Variants in RAB3GAP2 observed in about 807,000 individuals in gnomAD.
The protein encoded by RAB3GAP2 is RAB3 GTPase activating non-catalytic protein subunit 2, also known as rab3 GTPase-activating protein non-catalytic subunit.
In RAB3GAP2, 87 loss-of-function variants were observed where a neutral mutation model predicts 185.3. That is an observed-to-expected ratio of 0.47 (90% CI 0.39 to 0.56). The LOEUF is 0.56. RAB3GAP2 is among the 20% of genes least tolerant of loss of function. The pLI, the probability that RAB3GAP2 is intolerant of heterozygous loss-of-function variation, is 0.00. For missense variants in RAB3GAP2, 1,492 were observed against 1,638.2 expected (o/e 0.91, Z 1.54); for synonymous variants, 554 against 576.1 (o/e 0.96, Z 0.55).
At chr1:220,164,006 T>C (rs1399874916) in intron 27 of RAB3GAP2, among the ~76,000 whole-genome samples, 2 of 152,080 alleles carry the variant, frequency 1.3e-5, no homozygotes, top group Non-Finnish European at 2.9e-5. Context: ...AGCTTAGTGC[T>C]GATATCCTCA....
chr1:220,193,475 GT>G, intron 12 of RAB3GAP2, 96 bp from the exon 13 acceptor site: 2 of 1,189,420 alleles, frequency 1.7e-6, no homozygotes, highest in Non-Finnish European at 2.4e-6. Context: ...GGCTGAATCT[GT>G]TTTTATATAA....
At chr1:220,193,666 G>A (rs554840758) in intron 12 of RAB3GAP2, among the ~76,000 whole-genome samples, 1 of 152,266 alleles carries the variant, frequency 6.6e-6, no homozygotes, top group Non-Finnish European at 1.5e-5. Context: ...GCATGTCACA[G>A]AAAACAATGT....
chr1:220,164,075 T>C (rs895022045), intron 27 of RAB3GAP2, among the ~76,000 whole-genome samples: 3 of 152,160 alleles, frequency 2.0e-5, no homozygotes, highest in African/African-American at 7.2e-5. Flanking sequence ...GTTCAATATT[T>C]TTTCAAGGAG....
intron 7 of RAB3GAP2, 64 bp from the exon 8 acceptor site, chr1:220,206,070 T>C (rs1239333397): frequency 2.8e-6 from 3 of 1,058,656 alleles, no homozygotes; most frequent in African/African-American, 3.2e-5. Context: ...CTTTTTATTA[T>C]ACTGAATTTC....
intron 1 of RAB3GAP2, among the ~76,000 whole-genome samples, chr1:220,262,133 CAAAAAAA>C (rs554304525): frequency 8.9e-6 from 1 of 112,336 alleles, no homozygotes; most frequent in African/African-American, 2.9e-5. Flanking sequence ...ACTAAAAATA[CAAAAAAA>C]AAAAAAAAAA....
chr1:220,212,740 G>A (rs1659107069), intron 4 of RAB3GAP2, 147 bp downstream of exon 4: 1 of 704,050 alleles, frequency 1.4e-6, no homozygotes, highest in Non-Finnish European at 2.5e-6. Flanking sequence ...TGATCTTCCT[G>A]CCTTGGCTTC....
intron 1 of RAB3GAP2, among the ~76,000 whole-genome samples, chr1:220,269,822 T>C (rs78878610): frequency 0.069 from 10,486 of 152,168 alleles, 481 homozygotes; most frequent in South Asian, 0.12. Context: ...GCAGGAAGAA[T>C]TGCTAGAAGA....
chr1:220,245,568 C>A (rs1044639454), intron 1 of RAB3GAP2, among the ~76,000 whole-genome samples: 1 of 152,140 alleles, frequency 6.6e-6, no homozygotes, highest in African/African-American at 2.4e-5. Flanking sequence ...GATCAAACTG[C>A]AAGGAGGCAG....
At chr1:220,187,141 T>A (rs1658521268) in intron 17 of RAB3GAP2, among the ~76,000 whole-genome samples, 1 of 152,220 alleles carries the variant, frequency 6.6e-6, no homozygotes, top group South Asian at 2.1e-4. Context: ...AATTCTCCCA[T>A]GTATGTAGCT....
At position 220,195,392 on chromosome 1, in the gene RAB3GAP2, A is replaced by G; in HGVS notation, c.961-15T>C. ...TGTGTGCTTCCCTGAAAAACAGAAC[A>G]TTTGAAAGAGAAAACTTAGTAGCTT... On this transcript the variant is annotated splice_polypyrimidine_tract_variant and intron_variant, in intron 10 of 34. Transcript: ENST00000358951. The G allele has an allele frequency of 3.8e-6, 6 of 1,596,562 alleles. No individual in the cohort carries two copies. Among genetic ancestry groups the G allele is most frequent in the African/African-American group, 1.3e-5 (1 of 74,602 alleles).
intron 2 of RAB3GAP2, among the ~76,000 whole-genome samples, chr1:220,219,176 G>C (rs563120930): frequency 1.6e-4 from 25 of 152,232 alleles, no homozygotes; most frequent in African/African-American, 5.3e-4. Context: ...AGAAACTGTA[G>C]TACTAAGTGC....
chr1:220,174,637 C>T (rs1350542794), intron 21 of RAB3GAP2, among the ~76,000 whole-genome samples: 1 of 151,556 alleles, frequency 6.6e-6, no homozygotes, highest in African/African-American at 2.4e-5. Flanking sequence ...ATTTTTTGTA[C>T]CCATTAGAAA....
chr1:220,211,076 T>C (rs1571902988), intron 4 of RAB3GAP2, 74 bp from the exon 5 acceptor site: 2 of 1,403,628 alleles, frequency 1.4e-6, no homozygotes, highest in East Asian at 4.7e-5. Flanking sequence ...TAATTGGATG[T>C]TAAAGGATAA....
chr1:220,187,204 G>T (rs1272643944), intron 17 of RAB3GAP2, among the ~76,000 whole-genome samples: 2 of 152,194 alleles, frequency 1.3e-5, no homozygotes, highest in Non-Finnish European at 2.9e-5. Flanking sequence ...ACCTGACACA[G>T]AGTTCCTATA....
chr1:220,194,645 G>A (rs1181346806), intron 12 of RAB3GAP2, among the ~76,000 whole-genome samples: 1 of 152,130 alleles, frequency 6.6e-6, no homozygotes, highest in Non-Finnish European at 1.5e-5. Context: ...CGCCTACCTA[G>A]GCCTCCCAAA....
chr1:220,190,607 C>T, intron 14 of RAB3GAP2, 87 bp from the exon 15 acceptor site: 1 of 1,357,464 alleles, frequency 7.4e-7, no homozygotes, highest in Admixed American at 1.7e-5. Flanking sequence ...GGAAACCCAA[C>T]ATTATTATCA....
chr1:220,157,463 TG>T lies in RAB3GAP2; in HGVS notation c.3361del (p.Gln1121ArgfsTer20). On this transcript the variant is annotated frameshift_variant, in exon 31 of 35. Coordinates refer to ENST00000358951, the MANE Select transcript of RAB3GAP2 (RefSeq NM_012414.4). LOFTEE classifies it high-confidence loss of function. ...ATCCTCAGTATCCAGCACAGGCACC[TG>T]TATTTCATCCCTGCTAACATCTGCC... is the stretch of plus-strand genomic sequence containing the variant. The part of the protein sequence containing the change: ...MEADVSRDEI[Q>X]VPVLDTEDAW... The T allele has an allele frequency of 6.2e-7, 1 of 1,613,660 alleles. No homozygotes were observed. Among genetic ancestry groups the T allele is most frequent in the Non-Finnish European group, 8.5e-7 (1 of 1,180,008 alleles).
At position 220,213,727 on chromosome 1, in the gene RAB3GAP2, G is replaced by A. The variant is rs1326513736; in HGVS notation, c.304+129C>T. On this transcript the variant is annotated intron_variant, in intron 3 of 34. Coordinates refer to ENST00000358951, the MANE Select transcript of RAB3GAP2 (RefSeq NM_012414.4). ...AGGGAGGGAGGGAGGGGGCGGAGGA[G>A]GAGTTGGGGGGGGGGGGAGAGAGAG... 7 of 824,222 alleles carry A rather than the reference G, an allele frequency of 8.5e-6. No homozygotes were observed. In the South Asian group the frequency reaches 1.2e-4, roughly 14 times the overall value. 51.1% of individuals were successfully genotyped at this position (824,222 alleles called of 1,614,324 possible). A position where few individuals can be genotyped will look rare whatever the true frequency, so the allele number is the denominator to read the frequency against.
At chr1:220,252,257 A>G (rs995286372) in intron 1 of RAB3GAP2, among the ~76,000 whole-genome samples, 6 of 151,786 alleles carry the variant, frequency 4.0e-5, no homozygotes, top group African/African-American at 1.4e-4. Flanking sequence ...TATATAATAT[A>G]TAATTAAACT....
Sources: allele counts gnomAD v4.1 joint callset (sites outside exome capture counted in the v4.1 genomes callset), GRCh38; gene constraint gnomAD v4.1.1; transcripts MANE v1.5; gene names NCBI Gene and HGNC (gene_info 2026-07-23, HGNC 2026-07-21).